The following USP47 variants were observed in gnomAD, a reference collection of about 807,000 sequenced individuals.
USP47 encodes ubiquitin specific peptidase 47.
A neutral mutation model predicts 165.1 loss-of-function variants in USP47; 35 were observed. The ratio of observed to expected loss-of-function variants is 0.21; its 90% CI spans 0.16 to 0.28. The LOEUF (loss-of-function observed/expected upper bound fraction) is 0.28, where lower values mean the gene tolerates loss of function less well. USP47 is among the 10% of genes least tolerant of loss of function. USP47 has a pLI of 1.00. For synonymous variants in USP47, 531 were observed against 544.5 expected, an observed-to-expected ratio of 0.98 and a Z score of 0.35; for missense variants, 1,277 against 1,607.4, an observed-to-expected ratio of 0.79 and a Z score of 3.52.
At chr11:11,922,691 G>A in intron 10 of USP47, 33 bp from the exon 11 acceptor site, 1 of 1,575,426 alleles carries the variant, frequency 6.3e-7, no homozygotes. Flanking sequence ...CTCTGTATAT[G>A]GTTTATAACT....
At chr11:11,873,985 C>T (rs1346629202) in intron 1 of USP47, 3 of 482,436 alleles carry the variant, frequency 6.2e-6, no homozygotes, top group Non-Finnish European at 1.0e-5. Context: ...TATTTCTACC[C>T]AATTTTAATA....
At chr11:11,861,491 A>T (rs1442992059) in intron 1 of USP47, among the ~76,000 whole-genome samples, 1 of 152,216 alleles carries the variant, frequency 6.6e-6, no homozygotes, top group Non-Finnish European at 1.5e-5. Flanking sequence ...AGTTAAATGG[A>T]TTGTAAACTA....
chr11:11,947,351 A>C (rs2134836940), intron 20 of USP47, among the ~76,000 whole-genome samples: 1 of 152,354 alleles, frequency 6.6e-6, no homozygotes, highest in Middle Eastern at 3.4e-3. Flanking sequence ...CAACCACATG[A>C]TAAATCAGAC....
At chr11:11,848,702 C>T (rs1267670917) in intron 1 of USP47, among the ~76,000 whole-genome samples, 7 of 151,182 alleles carry the variant, frequency 4.6e-5, no homozygotes, top group Admixed American at 4.0e-4. Context: ...CTCTGCCTCC[C>T]GGGTTCAAGC....
intron 2 of USP47, 50 bp from the exon 3 acceptor site, chr11:11,884,417 A>T (rs1218042239): frequency 7.6e-7 from 1 of 1,315,412 alleles, no homozygotes; most frequent in Admixed American, 2.4e-5. Context: ...TTTACAGATT[A>T]CTTATTTTAT....
chr11:11,955,685 A>G (rs1856518985), intron 27 of USP47, among the ~76,000 whole-genome samples: 1 of 152,220 alleles, frequency 6.6e-6, no homozygotes, highest in African/African-American at 2.4e-5. Context: ...AATGATGTCT[A>G]CCTTGCAGGA....
intron 20 of USP47, chr11:11,943,363 A>G (rs1442159424): frequency 3.6e-6 from 1 of 277,456 alleles, no homozygotes; most frequent in African/African-American, 2.2e-5. Context: ...GAATTATGAT[A>G]TAATTACTAA....
At chr11:11,874,930 A>G (rs1850293664) in intron 1 of USP47, among the ~76,000 whole-genome samples, 2 of 152,112 alleles carry the variant, frequency 1.3e-5, no homozygotes, top group Non-Finnish European at 2.9e-5. Flanking sequence ...ATCTGTGGCA[A>G]TACATTAATC....
At chr11:11,851,035 C>G (rs1167800358) in intron 1 of USP47, among the ~76,000 whole-genome samples, 1 of 152,166 alleles carries the variant, frequency 6.6e-6, no homozygotes, top group Non-Finnish European at 1.5e-5. Flanking sequence ...AAGTAGGGTT[C>G]AACATGTGAA....
In USP47 at chr11:11,906,687, G is replaced by A. The variant is rs941690293; in HGVS notation, c.969+1139G>A. ...ATTTGAAAAGTTTTTTAGATGTTTA[G>A]TACTACTTTTTTAAATGGCCATCTA... is the stretch of plus-strand genomic sequence containing the variant. On this transcript the variant is annotated intron_variant, in intron 8 of 27. Transcript: ENST00000527733. Among the ~76,000 whole-genome samples, 3 of 152,182 alleles carry A rather than the reference G, an allele frequency of 2.0e-5. No homozygotes were observed. The South Asian group carries it at 6.2e-4, about 32-fold the overall frequency.
intron 1 of USP47, among the ~76,000 whole-genome samples, chr11:11,870,146 T>C (rs1312740352): frequency 6.6e-6 from 1 of 152,090 alleles, no homozygotes; most frequent in African/African-American, 2.4e-5. Context: ...TTTTGATTAA[T>C]TTATAGTATT....
intron 3 of USP47, among the ~76,000 whole-genome samples, chr11:11,888,233 T>G (rs1185453973): frequency 2.0e-5 from 3 of 149,906 alleles, no homozygotes; most frequent in African/African-American, 4.9e-5. Flanking sequence ...ATGAAGGAGA[T>G]AGATAGAGAC....
intron 11 of USP47, among the ~76,000 whole-genome samples, chr11:11,928,148 G>A (rs1465389629): frequency 6.6e-6 from 1 of 151,804 alleles, no homozygotes; most frequent in East Asian, 1.9e-4. Context: ...TTCTAAATGG[G>A]GAGACTGCTT....
In USP47 at chr11:11,855,612, AG is replaced by A. The variant is rs541196649; in HGVS notation, c.39+13390del. On this transcript the variant is annotated intron_variant, in intron 1 of 27. Coordinates refer to ENST00000527733, the MANE Select transcript of USP47 (RefSeq NM_001282659.2). ...AATCCAATACCTGTGGTAAGGTTAT[AG>A]GTTTAACTTCAGGAAAATCATGAAC... Among the ~76,000 whole-genome samples the A allele has an allele frequency of 6.3e-4, 96 of 152,374 alleles. 2 individuals are homozygous for A. In the Middle Eastern group the frequency reaches 0.014, roughly 22 times the overall value.
chr11:11,950,553 TAATCA>T (rs1345087906), intron 24 of USP47, 71 bp downstream of exon 24: 5 of 1,017,212 alleles, frequency 4.9e-6, no homozygotes, highest in Non-Finnish European at 7.3e-6. Context: ...CTATAGTTTT[TAATCA>T]AATAATGAGT....
chr11:11,880,683 A>G (rs941173754), intron 2 of USP47, among the ~76,000 whole-genome samples: 1 of 152,186 alleles, frequency 6.6e-6, no homozygotes, highest in African/African-American at 2.4e-5. Flanking sequence ...GAACAGAATG[A>G]TGATCATCTT....
intron 5 of USP47, among the ~76,000 whole-genome samples, chr11:11,900,396 G>C (rs941506439): frequency 2.6e-5 from 4 of 151,978 alleles, no homozygotes; most frequent in Non-Finnish European, 4.4e-5. Context: ...TCCTGACCTC[G>C]TGATCCGCCC....
intron 1 of USP47, among the ~76,000 whole-genome samples, chr11:11,848,656 C>T (rs993399602): frequency 4.9e-5 from 7 of 142,934 alleles, no homozygotes; most frequent in Non-Finnish European, 1.0e-4. Flanking sequence ...GTCACCCAGG[C>T]TGGAGTGCAG....
chr11:11,898,173 A>T (rs1267136169), intron 5 of USP47, among the ~76,000 whole-genome samples: 1 of 151,986 alleles, frequency 6.6e-6, no homozygotes, highest in East Asian at 1.9e-4. Flanking sequence ...AAGACTCCAT[A>T]TACATTAGAT....
Sources: gnomAD v4.1 joint callset for allele counts (sites outside exome capture counted in the v4.1 genomes callset) on GRCh38, gnomAD v4.1.1 for gene constraint, MANE v1.5 for transcripts, NCBI Gene and HGNC (gene_info 2026-07-23, HGNC 2026-07-21) for gene names.